The following ERRFI1 variants were observed in gnomAD, a reference collection of about 807,000 sequenced individuals.
ERRFI1 encodes ERBB receptor feedback inhibitor 1.
In ERRFI1, 12 loss-of-function variants were observed where a neutral mutation model predicts 14.6. The ratio of observed to expected loss-of-function variants is 0.82; its 90% CI spans 0.53 to 1.33. The LOEUF (loss-of-function observed/expected upper bound fraction) is 1.33, where lower values mean the gene tolerates loss of function less well. Ranked by LOEUF, ERRFI1 falls within the 40% of genes most tolerant of loss-of-function variation. The pLI, the probability that ERRFI1 is intolerant of heterozygous loss-of-function variation, is 0.00. For missense variants in ERRFI1, 482 were observed against 572.1 expected (o/e 0.84, Z 1.61); for synonymous variants, 202 against 209.9 (o/e 0.96, Z 0.32).
At chr1:8,017,338 TTA>T (rs1641190696) in intron 1 of ERRFI1, among the ~76,000 whole-genome samples, 1 of 152,156 alleles carries the variant, frequency 6.6e-6, no homozygotes, top group African/African-American at 2.4e-5. Flanking sequence ...GGCAGAGATT[TTA>T]TGATAGGGTT....
chr1:8,016,675 T>TA (rs1374595951), intron 1 of ERRFI1, among the ~76,000 whole-genome samples: 1 of 152,192 alleles, frequency 6.6e-6, no homozygotes, highest in Admixed American at 6.5e-5. Context: ...TTTATAAGTT[T>TA]AGGTTTTTTT....
intron 1 of ERRFI1, among the ~76,000 whole-genome samples, chr1:8,019,623 T>A (rs1014303370): frequency 1.3e-5 from 2 of 152,202 alleles, no homozygotes; most frequent in Non-Finnish European, 2.9e-5. Context: ...CATGAAAGAT[T>A]CACATACACT....
chr1:8,015,336 A>G lies in ERRFI1; in HGVS notation c.174T>C (p.Ser58=), dbSNP rs1641157642. Residue 58 remains serine, a synonymous_variant, in exon 3 of 4, where the codon TCT becomes TCC. Transcript: ENST00000377482. ...DPITMAYSLN[S]SAQERLIPLG... is the part of the protein sequence containing the mutation. The stretch of plus-strand genomic sequence containing the variant: ...GTGGTATTAGGCGCTCCTGAGCAGA[A>G]GAGTTCAGACTGTAGGCCATGGTTA... 1.2e-6 allele frequency: 2 copies of G among 1,614,224 alleles called. No homozygotes were observed. Among genetic ancestry groups the G allele is most frequent in the African/African-American group, 2.7e-5 (2 of 75,082 alleles).
At position 8,014,034 on chromosome 1, in the gene ERRFI1, A is replaced by G. The variant is rs80154587; in HGVS notation, c.565T>C (p.Ser189Pro). 530 of 1,614,170 alleles carry G rather than the reference A, an allele frequency of 3.3e-4. 2 individuals are homozygous for G. The African/African-American group carries it at 6.6e-3, about 20-fold the overall frequency. The part of the protein sequence containing the change: ...TDFLLEDSTL[S>P]DFKYDVPGRR... The stretch of plus-strand genomic sequence containing the variant: ...CCAGGAACATCATATTTGAAATCAG[A>G]AAGTGTAGAGTCTTCTAAAAGGAAG... Residue 189 changes from serine (S) to proline (P), a missense_variant, in exon 4 of 4, where the codon TCT becomes CCT. Coordinates refer to ENST00000377482, the MANE Select transcript of ERRFI1 (RefSeq NM_018948.4).
In ERRFI1 at chr1:8,012,995, A is replaced by G. The variant is rs1641108541; in HGVS notation, c.*215T>C. The G allele has an allele frequency of 1.8e-6, 1 of 542,300 alleles. No homozygotes were observed. Among genetic ancestry groups the G allele is most frequent in the Non-Finnish European group, 3.2e-6 (1 of 311,688 alleles). The allele number at this position is 542,300 out of a possible 1,614,324, so 33.6% of individuals were successfully genotyped here. ...CCCCTCCCCACCATCACATCTTTAA[A>G]TTATAGACTTGTAAGACTTTTTTCC... is the stretch of plus-strand genomic sequence containing the variant. On this transcript the variant is annotated 3_prime_UTR_variant, in exon 4 of 4. Transcript: ENST00000377482.
intron 2 of ERRFI1, 53 bp from the exon 3 acceptor site, chr1:8,015,437 TC>T: frequency 6.2e-7 from 1 of 1,614,102 alleles, no homozygotes; most frequent in Non-Finnish European, 8.5e-7. Flanking sequence ...TCACAGCCTC[TC>T]CCATTTTAGT....
rs546502447 is a variant in ERRFI1, at chr1:8,022,291, T to C, written c.-74+3867A>G. 1.4e-4 allele frequency among the ~76,000 whole-genome samples: 22 copies of C among 152,350 alleles called. No individual in the cohort carries two copies. The South Asian group carries it at 4.6e-3, about 32-fold the overall frequency. On this transcript the variant is annotated intron_variant, in intron 1 of 3. Transcript: ENST00000377482. ...ACTCGTAATAAGCGGTTACTACATA[T>C]ACCCAACGGGCCTCCTTTTAACATG... is the stretch of plus-strand genomic sequence containing the variant.
At position 8,012,802 on chromosome 1, in the gene ERRFI1, AT is replaced by A; in HGVS notation, c.*407del. On this transcript the variant is annotated 3_prime_UTR_variant, in exon 4 of 4. Transcript: ENST00000377482. ...TACTGTATCTTCTTCCATTTGCTCA[AT>A]TTTCAGTCTATCAGGACTCATTTCT... The A allele has an allele frequency of 4.1e-6, 1 of 243,146 alleles. No individual in the cohort carries two copies. Among genetic ancestry groups the A allele is most frequent in the Non-Finnish European group, 8.1e-6 (1 of 123,640 alleles). The allele number at this position is 243,146 out of a possible 1,614,324, so 15.1% of individuals were successfully genotyped here. A position where few individuals can be genotyped will look rare whatever the true frequency, so the allele number is the denominator to read the frequency against.
intron 1 of ERRFI1, among the ~76,000 whole-genome samples, chr1:8,017,051 GTGAA>G (rs1296624539): frequency 1.3e-5 from 2 of 152,010 alleles, no homozygotes; most frequent in African/African-American, 4.8e-5. Context: ...TGCTCAGTAA[GTGAA>G]TGTTTGCTGA....
intron 3 of ERRFI1, chr1:8,014,642 GCACACCCACA>G: frequency 2.1e-6 from 1 of 473,898 alleles, no homozygotes; most frequent in Non-Finnish European, 3.7e-6. Context: ...TGTGCACAGC[GCACACCCACA>G]CATCACAGGC....
intron 1 of ERRFI1, among the ~76,000 whole-genome samples, chr1:8,016,453 A>C (rs1641175037): frequency 6.6e-6 from 1 of 152,250 alleles, no homozygotes; most frequent in South Asian, 2.1e-4. Flanking sequence ...TGAAACACCC[A>C]GTAACTCATA....
chr1:8,022,685 T>C (rs1303612890), intron 1 of ERRFI1, among the ~76,000 whole-genome samples: 1 of 152,208 alleles, frequency 6.6e-6, no homozygotes, highest in African/African-American at 2.4e-5. Context: ...ATGGAGAAAC[T>C]GAAGCAAAAG....
chr1:8,013,770 C>T lies in ERRFI1; in HGVS notation c.829G>A (p.Asp277Asn), dbSNP rs143191666. ...GGGGGAACCTCAGGTTTGTCTTCAT[C>T]GGAGTTAGGAGAAGCTCTGTGTATA... ...CCIHRASPNSDEDKPEVPPRV... is the reference protein window; with the variant it reads ...CCIHRASPNSNEDKPEVPPRV... The change falls in exon 4 of 4, where the codon GAT becomes AAT. Residue 277 changes from aspartate to asparagine, a missense_variant. Coordinates refer to ENST00000377482, the MANE Select transcript of ERRFI1 (RefSeq NM_018948.4). This position sits in a 1 kb window ranked among gnomAD's most constrained non-coding sequence, Gnocchi z 4.3. The T allele has an allele frequency of 8.8e-4, 1,418 of 1,614,090 alleles. 9 individuals carry two copies. In the African/African-American group the frequency reaches 0.016, roughly 19 times the overall value.
chr1:8,013,768 A>G lies in ERRFI1; in HGVS notation c.831T>C (p.Asp277=), dbSNP rs1369845242. 1.9e-6 allele frequency: 3 copies of G among 1,614,038 alleles called. No individual in the cohort carries two copies. The highest frequency in any genetic ancestry group is 2.7e-5 in the African/African-American group (2 of 74,914). Residue 277 remains aspartate (D), a synonymous_variant, in exon 4 of 4, where the codon GAT becomes GAC. Transcript: ENST00000377482. The surrounding 1 kb of genome is among the most constrained non-coding windows in gnomAD (Gnocchi z 4.3). ...TGGGGGGAACCTCAGGTTTGTCTTC[A>G]TCGGAGTTAGGAGAAGCTCTGTGTA... ...CCIHRASPNS[D]EDKPEVPPRV...
chr1:8,018,069 G>A (rs1488055981), intron 1 of ERRFI1, among the ~76,000 whole-genome samples: 1 of 152,072 alleles, frequency 6.6e-6, no homozygotes, highest in Non-Finnish European at 1.5e-5. Flanking sequence ...GTGTCTTTGT[G>A]TATTCATAGA....
chr1:8,016,469 C>T (rs1641175381), intron 1 of ERRFI1, among the ~76,000 whole-genome samples: 1 of 152,150 alleles, frequency 6.6e-6, no homozygotes, highest in African/African-American at 2.4e-5. Context: ...TCATATCTTG[C>T]TTAGCTGCAA....
chr1:8,025,828 T>C (rs1429372496), intron 1 of ERRFI1, among the ~76,000 whole-genome samples: 1 of 152,040 alleles, frequency 6.6e-6, no homozygotes, highest in Admixed American at 6.5e-5. Flanking sequence ...CTCGGGTGCA[T>C]GGCCCCGGCC....
rs776593719 is a variant in ERRFI1, at chr1:8,015,613, T to C, written c.7A>G (p.Ile3Val). 9.9e-6 allele frequency: 16 copies of C among 1,614,028 alleles called. No homozygotes were observed. Among genetic ancestry groups the C allele is most frequent in the Non-Finnish European group, 1.2e-5 (14 of 1,179,978 alleles). The stretch of plus-strand genomic sequence containing the variant: ...ATCTCCTGAGCAGCAACTCCTGCTA[T>C]TGACATTGTGCCTTATTCTGGGACA... MSIAGVAAQEIRV... is the reference protein window; with the variant it reads MSVAGVAAQEIRV... Residue 3 changes from isoleucine (I) to valine (V), a missense_variant, in exon 2 of 4, where the codon ATA becomes GTA. Physicochemically the swap from Ile to Val is conservative, Grantham distance 29 (BLOSUM62 3). Coordinates refer to ENST00000377482, the MANE Select transcript of ERRFI1 (RefSeq NM_018948.4).
chr1:8,013,686 C>T lies in ERRFI1; in HGVS notation c.913G>A (p.Val305Ile). 1 of 1,614,174 alleles carries T rather than the reference C, an allele frequency of 6.2e-7. No homozygotes were observed. The highest frequency in any genetic ancestry group is 2.2e-5 in the East Asian group (1 of 44,880). Reference sequence around the variant, plus strand: ...TCATCACTATAGGTGCTCGAAGTAACTTCTGCTGACCATCTTCTATAATCT... The same window carrying T: ...TCATCACTATAGGTGCTCGAAGTAATTTCTGCTGACCATCTTCTATAATCT... Reference protein sequence around the residue: ...KPDYRRWSAEVTSSTYSDEDR... With the variant: ...KPDYRRWSAEITSSTYSDEDR... Residue 305 changes from valine to isoleucine, a missense_variant, in exon 4 of 4, where the codon GTT becomes ATT. Transcript: ENST00000377482. This position sits in a 1 kb window ranked among gnomAD's most constrained non-coding sequence, Gnocchi z 4.3.
Sources: allele counts gnomAD v4.1 joint callset (sites outside exome capture counted in the v4.1 genomes callset), GRCh38; gene constraint gnomAD v4.1.1; non-coding constraint Gnocchi (gnomAD v3.1); transcripts MANE v1.5; gene names NCBI Gene and HGNC (gene_info 2026-07-23, HGNC 2026-07-21).